The following SLC24A3 variants were observed in gnomAD, a reference collection of about 807,000 sequenced individuals.
The protein encoded by SLC24A3 is sodium/potassium/calcium exchanger 3.
In SLC24A3, 28 loss-of-function variants were observed where a neutral mutation model predicts 75.8. The observed-to-expected ratio is 0.37, with a 90% confidence interval of 0.27 to 0.51. SLC24A3 has a LOEUF of 0.51. SLC24A3 is among the 20% of genes least tolerant of loss of function. The pLI is 0.94. For synonymous variants in SLC24A3, 372 were observed against 334.1 expected, an observed-to-expected ratio of 1.11 and a Z score of -1.24; for missense variants, 663 against 847.8, an observed-to-expected ratio of 0.78 and a Z score of 2.71.
At chr20:19,576,945 T>C (rs2122628519) in intron 3 of SLC24A3, among the ~76,000 whole-genome samples, 1 of 152,338 alleles carries the variant, frequency 6.6e-6, no homozygotes, top group Non-Finnish European at 1.5e-5. Flanking sequence ...TATCATTGGA[T>C]CAGCCAAGTC....
intron 2 of SLC24A3, among the ~76,000 whole-genome samples, chr20:19,482,455 A>G (rs1179325294): frequency 6.6e-6 from 1 of 152,172 alleles, no homozygotes; most frequent in Admixed American, 6.5e-5. Context: ...CCATCCTTGC[A>G]CAGGTCTTAG....
chr20:19,665,792 C>CAT (rs1042675902), intron 7 of SLC24A3, 72 bp from the exon 8 acceptor site: 492 of 1,203,162 alleles, frequency 4.1e-4, no homozygotes, highest in Middle Eastern at 8.6e-4. Flanking sequence ...AGCCTTAAAG[C>CAT]GTGTGTGTGT....
intron 7 of SLC24A3, among the ~76,000 whole-genome samples, chr20:19,656,538 A>G (rs915449720): frequency 1.3e-5 from 2 of 152,194 alleles, no homozygotes; most frequent in African/African-American, 4.8e-5. Flanking sequence ...AGCAAGCTTC[A>G]TCCTTCTATG....
At chr20:19,433,733 T>G (rs1483217895) in intron 2 of SLC24A3, among the ~76,000 whole-genome samples, 1 of 152,186 alleles carries the variant, frequency 6.6e-6, no homozygotes, top group Non-Finnish European at 1.5e-5. Flanking sequence ...TAGCAAGCAA[T>G]TTCAAAAGGT....
intron 2 of SLC24A3, among the ~76,000 whole-genome samples, chr20:19,316,574 T>C (rs1053765957): frequency 6.6e-6 from 1 of 152,140 alleles, no homozygotes; most frequent in African/African-American, 2.4e-5. Flanking sequence ...AATTCTGGGA[T>C]TCAGTGAAGA....
intron 2 of SLC24A3, among the ~76,000 whole-genome samples, chr20:19,478,571 G>A (rs1987999755): frequency 6.6e-6 from 1 of 152,130 alleles, no homozygotes. Flanking sequence ...AAGCTACAGT[G>A]TGCCCATGTG....
intron 2 of SLC24A3, among the ~76,000 whole-genome samples, chr20:19,360,836 T>G (rs574727087): frequency 6.6e-6 from 1 of 152,254 alleles, no homozygotes; most frequent in East Asian, 1.9e-4. Flanking sequence ...AAATTTTTTT[T>G]TTTTTTTTGA....
At chr20:19,626,819 G>A (rs530521443) in intron 6 of SLC24A3, among the ~76,000 whole-genome samples, 11 of 152,292 alleles carry the variant, frequency 7.2e-5, no homozygotes, top group African/African-American at 2.6e-4. Context: ...AAGGCCTTGG[G>A]TATTTTGATT....
At chr20:19,670,998 C>T (rs1407194321) in intron 8 of SLC24A3, among the ~76,000 whole-genome samples, 1 of 152,154 alleles carries the variant, frequency 6.6e-6, no homozygotes, top group Non-Finnish European at 1.5e-5. Context: ...CTGCTAGAAA[C>T]AGGTGTTAGT....
rs559380116 is a variant in SLC24A3, at chr20:19,707,119, G to A, written c.1719+8439G>A. Among the ~76,000 whole-genome samples the A allele has an allele frequency of 9.2e-5, 14 of 152,256 alleles. No individual in the cohort carries two copies. The East Asian group carries it at 1.7e-3, about 19-fold the overall frequency. Reference sequence around the variant, plus strand: ...TCTCAAAGCAAGAGCACAAGAAGACGCACCCAGCTTCGGAAACACATTATG... The same window carrying A: ...TCTCAAAGCAAGAGCACAAGAAGACACACCCAGCTTCGGAAACACATTATG... On this transcript the variant is annotated intron_variant, in intron 15 of 16. Coordinates refer to ENST00000328041, the MANE Select transcript of SLC24A3 (RefSeq NM_020689.4).
chr20:19,418,267 G>C (rs1209640603), intron 2 of SLC24A3, among the ~76,000 whole-genome samples: 3 of 152,152 alleles, frequency 2.0e-5, no homozygotes, highest in Admixed American at 6.5e-5. Flanking sequence ...TTCAGGTCTA[G>C]GAGAAGTTGT....
intron 7 of SLC24A3, among the ~76,000 whole-genome samples, chr20:19,657,801 T>C (rs1225484631): frequency 6.6e-6 from 1 of 152,192 alleles, no homozygotes; most frequent in Non-Finnish European, 1.5e-5. Flanking sequence ...TTTTTCTTCT[T>C]CTCCTCTTTC....
chr20:19,441,425 G>A (rs1049779099), intron 2 of SLC24A3, among the ~76,000 whole-genome samples: 4 of 152,180 alleles, frequency 2.6e-5, no homozygotes, highest in Non-Finnish European at 5.9e-5. Flanking sequence ...TCAATGCACA[G>A]TCCCCACTCT....
At position 19,721,627 on chromosome 20, in the gene SLC24A3, G is replaced by A. The variant is rs1162822124; in HGVS notation, c.*487G>A. The A allele has an allele frequency of 6.5e-6, 1 of 153,904 alleles. No homozygotes were observed. Among genetic ancestry groups the A allele is most frequent in the African/African-American group, 2.4e-5 (1 of 41,462 alleles). The allele number at this position is 153,904 out of a possible 1,614,324, so 9.5% of individuals were successfully genotyped here. A position where few individuals can be genotyped will look rare whatever the true frequency, so the allele number is the denominator to read the frequency against. ...ATGCCTAGGTTACTGGGTTTGGGGGGATTGTTTTCTTTTGGGGGCCTTCCC... is the reference window on the plus strand; with the variant it reads ...ATGCCTAGGTTACTGGGTTTGGGGGAATTGTTTTCTTTTGGGGGCCTTCCC... On this transcript the variant is annotated 3_prime_UTR_variant, in exon 17 of 17. Coordinates refer to ENST00000328041, the MANE Select transcript of SLC24A3 (RefSeq NM_020689.4).
chr20:19,526,004 G>A (rs2030192470), intron 3 of SLC24A3, among the ~76,000 whole-genome samples: 1 of 152,142 alleles, frequency 6.6e-6, no homozygotes, highest in Non-Finnish European at 1.5e-5. Context: ...GGGAGAGGAT[G>A]CCCTGCCTCT....
chr20:19,439,216 G>A (rs1987259133), intron 2 of SLC24A3, among the ~76,000 whole-genome samples: 1 of 152,248 alleles, frequency 6.6e-6, no homozygotes, highest in African/African-American at 2.4e-5. Flanking sequence ...CCCACATTCA[G>A]TGGAGCATGG....
chr20:19,646,823 T>G, intron 6 of SLC24A3, among the ~76,000 whole-genome samples: 1 of 144,774 alleles, frequency 6.9e-6, no homozygotes, highest in East Asian at 1.9e-4. Flanking sequence ...CGGGTTGTAC[T>G]TTAAAAATTA....
intron 2 of SLC24A3, among the ~76,000 whole-genome samples, chr20:19,351,260 C>T (rs1315107637): frequency 6.6e-6 from 1 of 152,226 alleles, no homozygotes; most frequent in Non-Finnish European, 1.5e-5. Context: ...TACACCCAAA[C>T]GTGGGGATCA....
chr20:19,357,485 AT>A (rs1985709609), intron 2 of SLC24A3, among the ~76,000 whole-genome samples: 1 of 152,132 alleles, frequency 6.6e-6, no homozygotes, highest in African/African-American at 2.4e-5. Flanking sequence ...ATTTTTTCTT[AT>A]TAACTGTAAG....
Sources: allele counts gnomAD v4.1 joint callset (sites outside exome capture counted in the v4.1 genomes callset), GRCh38; gene constraint gnomAD v4.1.1; transcripts MANE v1.5; gene names NCBI Gene and HGNC (gene_info 2026-07-23, HGNC 2026-07-21).